UFD1: variants seen among roughly 807,000 people sequenced by gnomAD.
UFD1 encodes ubiquitin recognition factor in ER-associated degradation protein 1.
A neutral mutation model predicts 45.9 loss-of-function variants in UFD1; 13 were observed. The observed-to-expected ratio is 0.28, with a 90% confidence interval of 0.18 to 0.45. The LOEUF (loss-of-function observed/expected upper bound fraction) is 0.45, where lower values mean the gene tolerates loss of function less well. UFD1 is among the 20% of genes least tolerant of loss of function. The pLI, the probability that UFD1 is intolerant of heterozygous loss-of-function variation, is 1.00. For missense variants in UFD1, 218 were observed against 389.2 expected (o/e 0.56, Z 3.70); for synonymous variants, 128 against 139.2 (o/e 0.92, Z 0.56).
In UFD1 at chr22:19,477,677, G is replaced by T. The variant is rs975578403; in HGVS notation, c.3+1406C>A. On this transcript the variant is annotated intron_variant, in intron 1 of 11. Coordinates refer to ENST00000263202, the MANE Select transcript of UFD1 (RefSeq NM_005659.7). ...AAACGGTTAAGATGATAAAAATTTGGTTTTTTTAACCACAACTAAAAAAAA... is the reference window on the plus strand; with the variant it reads ...AAACGGTTAAGATGATAAAAATTTGTTTTTTTTAACCACAACTAAAAAAAA... 1.5e-4 allele frequency among the ~76,000 whole-genome samples: 20 copies of T among 131,914 alleles called. 1 individual carries two copies. The highest frequency in any genetic ancestry group is 7.8e-4 in the Admixed American group (10 of 12,846). The allele number at this position is 131,914 out of a possible 152,430, so 86.5% of individuals were successfully genotyped here. A position where few individuals can be genotyped will look rare whatever the true frequency, so the allele number is the denominator to read the frequency against.
chr22:19,451,886 GC>G, intron 11 of UFD1: 6 of 985,452 alleles, frequency 6.1e-6, no homozygotes, highest in Non-Finnish European at 7.2e-6. Flanking sequence ...ACCTGGACTG[GC>G]CTTTCTCTAG....
chr22:19,461,758 GA>G (rs2089768394), intron 6 of UFD1, among the ~76,000 whole-genome samples: 1 of 151,224 alleles, frequency 6.6e-6, no homozygotes, highest in South Asian at 2.1e-4. Flanking sequence ...GTGTTTCCTG[GA>G]TTAAGATTTT....
In UFD1 at chr22:19,471,673, G is replaced by A. The variant is rs2089847073; in HGVS notation, c.291+14C>T. Reference sequence around the variant, plus strand: ...AAGTGGCTGCTCTCTAGAGACCCTGGCAGCCCCACTCACCCAGTGTGGGAG... The same window carrying A: ...AAGTGGCTGCTCTCTAGAGACCCTGACAGCCCCACTCACCCAGTGTGGGAG... On this transcript the variant is annotated intron_variant, in intron 4 of 11. Coordinates refer to ENST00000263202, the MANE Select transcript of UFD1 (RefSeq NM_005659.7). The A allele has an allele frequency of 6.2e-7, 1 of 1,611,608 alleles. No individual in the cohort carries two copies.
intron 6 of UFD1, among the ~76,000 whole-genome samples, chr22:19,461,040 A>G (rs8137899): frequency 0.52 from 79,073 of 152,004 alleles, 20,714 homozygotes; most frequent in South Asian, 0.6. Context: ...CCAGGTGTGA[A>G]CCACGGTGTC....
intron 3 of UFD1, 102 bp from the exon 4 acceptor site, chr22:19,471,910 A>G (rs1346282304): frequency 6.8e-7 from 1 of 1,479,792 alleles, no homozygotes; most frequent in East Asian, 2.3e-5. Flanking sequence ...CCTGCCCTCA[A>G]CCCCACACTC....
chr22:19,467,835 C>T, intron 5 of UFD1, 38 bp downstream of exon 5: 1 of 1,611,524 alleles, frequency 6.2e-7, no homozygotes, highest in Non-Finnish European at 8.5e-7. Context: ...GCACACTCTC[C>T]TTTGTCTAGA....
In UFD1 at chr22:19,454,928, G is replaced by A. The variant is rs2089711594; in HGVS notation, c.768-98C>T. On this transcript the variant is annotated intron_variant, in intron 10 of 11. Coordinates refer to ENST00000263202, the MANE Select transcript of UFD1 (RefSeq NM_005659.7). ...AGAGGAACGCAGAAAAGATGCTGCT[G>A]CACCCCACCTGGGCCCTTTGGTGCT... 2.2e-6 allele frequency: 3 copies of A among 1,368,294 alleles called. No homozygotes were observed. In the Admixed American group the frequency reaches 7.1e-5, roughly 33 times the overall value. 84.8% of individuals were successfully genotyped at this position (1,368,294 alleles called of 1,614,324 possible).
intron 9 of UFD1, 23 bp downstream of exon 9, chr22:19,456,564 A>G (rs577547025): frequency 6.2e-7 from 1 of 1,614,114 alleles, no homozygotes; most frequent in South Asian, 1.1e-5. Flanking sequence ...ACAGCAATAT[A>G]AGTCAAGTGG....
In UFD1 at chr22:19,458,058, C is replaced by T. The variant is rs368827771; in HGVS notation, c.564+13G>A. 6.8e-6 allele frequency: 11 copies of T among 1,613,952 alleles called. No homozygotes were observed. The African/African-American group carries it at 1.5e-4, about 22-fold the overall frequency. On this transcript the variant is annotated intron_variant, in intron 7 of 11. Coordinates refer to ENST00000263202, the MANE Select transcript of UFD1 (RefSeq NM_005659.7). ...AGGGCCCAGGCTCACTGTAACTGGA[C>T]AGAGCCACTCACGTTCATGTCACAC...
intron 5 of UFD1, 143 bp from the exon 6 acceptor site, chr22:19,465,417 A>C (rs1005829249): frequency 6.2e-6 from 4 of 644,586 alleles, no homozygotes; most frequent in Non-Finnish European, 1.1e-5. Flanking sequence ...ATAAAGTACT[A>C]CTTGGCAATA....
intron 9 of UFD1, among the ~76,000 whole-genome samples, chr22:19,456,317 A>G (rs1231379969): frequency 6.6e-6 from 1 of 152,038 alleles, no homozygotes; most frequent in Non-Finnish European, 1.5e-5. Context: ...AGGGAACAGT[A>G]TATGTCTACT....
At chr22:19,475,128 AAAAAAT>A in intron 2 of UFD1, 28 bp from the exon 3 acceptor site, 1 of 1,594,412 alleles carries the variant, frequency 6.3e-7, no homozygotes, top group Non-Finnish European at 8.5e-7. Flanking sequence ...AAGAAATATT[AAAAAAT>A]AAAAATAAAA....
At chr22:19,478,780 C>G in intron 1 of UFD1, 1 of 468,316 alleles carries the variant, frequency 2.1e-6, no homozygotes, top group African/African-American at 2.1e-5. Flanking sequence ...TTATGGAAAC[C>G]TGTTGCGCGT....
chr22:19,477,444 C>T (rs551176069), intron 1 of UFD1, among the ~76,000 whole-genome samples: 4 of 152,140 alleles, frequency 2.6e-5, no homozygotes, highest in South Asian at 2.1e-4. Flanking sequence ...CATAAAAGGA[C>T]TTATATTTTA....
chr22:19,475,224 C>T lies in UFD1; in HGVS notation c.137-124G>A. The T allele has an allele frequency of 2.7e-6, 3 of 1,106,376 alleles. No homozygotes were observed. In the East Asian group the frequency reaches 7.8e-5, roughly 29 times the overall value. 68.5% of individuals were successfully genotyped at this position (1,106,376 alleles called of 1,614,324 possible). On this transcript the variant is annotated intron_variant, in intron 2 of 11. Transcript: ENST00000263202. ...CTGTTTTTAGGGTAGCCAGAATGTC[C>T]CAGTGATCTTTCATGAAGAATCTTA...
At position 19,465,392 on chromosome 22, in the gene UFD1, G is replaced by A. The variant is rs570329208; in HGVS notation, c.423-118C>T. On this transcript the variant is annotated intron_variant, in intron 5 of 11. Transcript: ENST00000263202. ...TGTACCATGATGGTACTTGAAACACGAAGCTTTTAATACAATAAAGTACTA... is the reference window on the plus strand; with the variant it reads ...TGTACCATGATGGTACTTGAAACACAAAGCTTTTAATACAATAAAGTACTA... 8.1e-4 allele frequency: 666 copies of A among 824,548 alleles called. 9 individuals are homozygous for A. In the South Asian group the frequency reaches 1.0e-2, roughly 12 times the overall value. The allele number at this position is 824,548 out of a possible 1,614,324, so 51.1% of individuals were successfully genotyped here. A position where few individuals can be genotyped will look rare whatever the true frequency, so the allele number is the denominator to read the frequency against.
intron 3 of UFD1, 80 bp from the exon 4 acceptor site, chr22:19,471,888 C>A: frequency 1.3e-6 from 2 of 1,544,984 alleles, no homozygotes; most frequent in Non-Finnish European, 8.8e-7. Flanking sequence ...ATAGAAGGAG[C>A]CTCCCCACAA....
At position 19,475,600 on chromosome 22, in the gene UFD1, G is replaced by A. The variant is rs200580076; in HGVS notation, c.6C>T (p.Phe2=). Residue 2 remains phenylalanine, a splice_region_variant and synonymous_variant, in exon 2 of 12, where the codon TTC becomes TTT. Transcript: ENST00000263202. ...TAGGGTGGTCGAACATGTTGAAAGA[G>A]AACTAGAAGGAGGAAAGAGAAACAA... is the stretch of plus-strand genomic sequence containing the variant. M[F]SFNMFDHPIP... is the part of the protein sequence containing the mutation. The A allele has an allele frequency of 5.0e-6, 8 of 1,613,870 alleles. No homozygotes were observed.
intron 11 of UFD1, chr22:19,453,696 T>A: frequency 1.0e-6 from 1 of 985,506 alleles, no homozygotes; most frequent in Non-Finnish European, 1.2e-6. Context: ...ACTTGAACAT[T>A]GAGCCCAGAA....
Sources: allele counts gnomAD v4.1 joint callset (sites outside exome capture counted in the v4.1 genomes callset), GRCh38; gene constraint gnomAD v4.1.1; transcripts MANE v1.5; gene names NCBI Gene and HGNC (gene_info 2026-07-23, HGNC 2026-07-21).